GPHN: variants seen among roughly 807,000 people sequenced by gnomAD.
GPHN encodes gephyrin.
Under a neutral mutation model 95.5 loss-of-function variants are expected in GPHN, and 17 were observed. The ratio of observed to expected loss-of-function variants is 0.18; its 90% CI spans 0.12 to 0.27. The LOEUF is 0.27. Among genes scored for constraint, GPHN ranks in the 10% least tolerant of loss-of-function variants. The probability of loss-of-function intolerance (pLI) is 1.00; values close to 1 mark genes in which losing one functional copy is unlikely to be tolerated. For synonymous variants in GPHN, 320 were observed against 322.5 expected, an observed-to-expected ratio of 0.99 and a Z score of 0.08; for missense variants, 660 against 978.1, an observed-to-expected ratio of 0.67 and a Z score of 4.34.
At chr14:67,603,067 G>GTTTGTTTTGTTTTGT in the GPHN span, among the ~76,000 whole-genome samples, 8,156 of 151,564 alleles carry the variant, frequency 0.054, 357 homozygotes, top group African/African-American at 0.12. Flanking sequence ...TTTCTTTCTG[G>GTTTGTTTTGTTTTGT]TTTGTTTTGT....
chr14:67,358,143 A>G, the GPHN span, among the ~76,000 whole-genome samples: 2 of 152,068 alleles, frequency 1.3e-5, no homozygotes, highest in African/African-American at 4.8e-5. Context: ...GGCAGGCCTT[A>G]CATTGCTAGA....
intron 3 of GPHN, among the ~76,000 whole-genome samples, chr14:66,783,255 A>G (rs2059667164): frequency 6.6e-6 from 1 of 152,178 alleles, no homozygotes; most frequent in African/African-American, 2.4e-5. Context: ...AGTAAGTGGC[A>G]TAGTTCTGAA....
the GPHN span, chr14:67,338,451 G>A: frequency 5.8e-6 from 4 of 690,914 alleles, no homozygotes; most frequent in Non-Finnish European, 4.6e-6. Flanking sequence ...ATAAATGGTT[G>A]CTAAATTATG....
the GPHN span, chr14:67,335,123 G>A: frequency 6.7e-6 from 1 of 149,978 alleles, no homozygotes; most frequent in Admixed American, 6.6e-5. Context: ...AGTCTGAGAT[G>A]ATAAATATTT....
At chr14:66,855,049 G>A (rs1230425956) in intron 4 of GPHN, among the ~76,000 whole-genome samples, 1 of 152,040 alleles carries the variant, frequency 6.6e-6, no homozygotes, top group Non-Finnish European at 1.5e-5. Context: ...GTTTCACCAT[G>A]TTAGCCAAGC....
At chr14:67,289,766 GTCCTTTTTTTTTTT>G in the GPHN span, among the ~76,000 whole-genome samples, 2 of 136,584 alleles carry the variant, frequency 1.5e-5, no homozygotes, top group African/African-American at 5.5e-5. Flanking sequence ...TTTTTTCCAT[GTCCTTTTTTTTTTT>G]TTTTTTTTTT....
intron 17 of GPHN, among the ~76,000 whole-genome samples, chr14:67,125,731 C>G (rs544241760): frequency 2.6e-5 from 4 of 151,208 alleles, no homozygotes; most frequent in African/African-American, 9.7e-5. Flanking sequence ...GAGCCAACAT[C>G]GTGCCACTGC....
chr14:67,057,142 G>A (rs987426750), intron 10 of GPHN, among the ~76,000 whole-genome samples: 1 of 152,216 alleles, frequency 6.6e-6, no homozygotes, highest in Non-Finnish European at 1.5e-5. Context: ...TGCAGCGGCA[G>A]GCTGAAGGGC....
chr14:67,380,442 TAGTC>T, the GPHN span, among the ~76,000 whole-genome samples: 1 of 152,246 alleles, frequency 6.6e-6, no homozygotes, highest in Non-Finnish European at 1.5e-5. Context: ...TTGCTTGTTT[TAGTC>T]AGATCACTAA....
At chr14:67,015,566 G>A (rs113693943) in intron 9 of GPHN, among the ~76,000 whole-genome samples, 147 of 152,002 alleles carry the variant, frequency 9.7e-4, no homozygotes, top group African/African-American at 2.8e-3. Flanking sequence ...GTGTGGTGGC[G>A]CACACCTGTA....
At chr14:66,600,567 T>C (rs913402924) in intron 1 of GPHN, among the ~76,000 whole-genome samples, 8 of 152,222 alleles carry the variant, frequency 5.3e-5, no homozygotes, top group African/African-American at 1.9e-4. Flanking sequence ...ATTTAAAATA[T>C]GTATTGTTGA....
At chr14:67,663,142 G>A in the GPHN span, 44 of 1,530,522 alleles carry the variant, frequency 2.9e-5, no homozygotes, top group Non-Finnish European at 7.9e-6. Flanking sequence ...TTCCCATTCT[G>A]TCCCTTTGGT....
intron 4 of GPHN, among the ~76,000 whole-genome samples, chr14:66,849,831 A>G (rs112052466): frequency 5.1e-4 from 78 of 152,172 alleles, no homozygotes; most frequent in African/African-American, 1.6e-3. Context: ...GGTCAAATTT[A>G]TGTTTTGGCT....
intron 17 of GPHN, among the ~76,000 whole-genome samples, chr14:67,138,862 A>G (rs1286740383): frequency 3.7e-5 from 5 of 136,230 alleles, no homozygotes. Flanking sequence ...AGACAAATCC[A>G]TACCTCTTGC....
rs1383714711 is a variant in GPHN, at chr14:66,723,982, TACATAC to T, written c.143+42801_143+42806del. The stretch of plus-strand genomic sequence containing the variant: ...AAATATCACAAATCTATGTCATGCA[TACATAC>T]ACACACACACACACACACACACACA... On this transcript the variant is annotated intron_variant, in intron 2 of 22. Coordinates refer to ENST00000478722, the MANE Select transcript of GPHN (RefSeq NM_020806.5). Among the ~76,000 whole-genome samples, 451 of 143,236 alleles carry T rather than the reference TACATAC, an allele frequency of 3.1e-3. 4 individuals are homozygous for T. The highest frequency in any genetic ancestry group is 0.011 in the African/African-American group (410 of 38,280). 94.0% of individuals were successfully genotyped at this position (143,236 alleles called of 152,430 possible).
the GPHN span, among the ~76,000 whole-genome samples, chr14:67,501,674 T>C: frequency 6.6e-6 from 1 of 152,234 alleles, no homozygotes. Flanking sequence ...CCCAAAGACC[T>C]GTCCTGCTCC....
chr14:66,798,751 T>A (rs1170604144), intron 3 of GPHN, among the ~76,000 whole-genome samples: 1 of 151,844 alleles, frequency 6.6e-6, no homozygotes, highest in Non-Finnish European at 1.5e-5. Context: ...TGTTTAATTT[T>A]TCAAAAAAAA....
chr14:67,081,708 C>A (rs1188537757), intron 11 of GPHN, among the ~76,000 whole-genome samples: 1 of 152,148 alleles, frequency 6.6e-6, no homozygotes, highest in Non-Finnish European at 1.5e-5. Context: ...CTGATGTTAT[C>A]TTCTAGAATT....
intron 9 of GPHN, among the ~76,000 whole-genome samples, chr14:67,021,177 TTTTTC>T (rs1190123617): frequency 3.9e-5 from 6 of 152,248 alleles, no homozygotes; most frequent in South Asian, 2.1e-4. Context: ...CATTTTTAAA[TTTTTC>T]TTTTCTTCAG....
Sources: gnomAD v4.1 joint callset for allele counts (sites outside exome capture counted in the v4.1 genomes callset) on GRCh38, gnomAD v4.1.1 for gene constraint, MANE v1.5 for transcripts, NCBI Gene and HGNC (gene_info 2026-07-23, HGNC 2026-07-21) for gene names.